KCNJ1: variants seen among roughly 807,000 people sequenced by gnomAD.
The protein encoded by KCNJ1 is ATP-sensitive inward rectifier potassium channel 1.
Under a neutral mutation model 21.9 loss-of-function variants are expected in KCNJ1, and 24 were observed. That is an observed-to-expected ratio of 1.10 (90% CI 0.79 to 1.54). The LOEUF (loss-of-function observed/expected upper bound fraction) is 1.54. KCNJ1 is among the 40% of genes most tolerant of loss of function. The pLI is 0.00. For missense variants in KCNJ1, 457 were observed against 455.4 expected (o/e 1.00, Z -0.03); for synonymous variants, 152 against 160.9 (o/e 0.94, Z 0.42).
intron 1 of KCNJ1, among the ~76,000 whole-genome samples, chr11:128,864,986 A>ACATACTAGGTCCTTCATCGTGGCACC (rs1943791752): frequency 4.0e-5 from 6 of 151,852 alleles, no homozygotes; most frequent in Non-Finnish European, 8.8e-5. Context: ...CCTCAGCATC[A>ACATACTAGGTCCTTCATCGTGGCACC]CATACTAGGT....
chr11:128,852,604 C>G (rs1036236645), intron 1 of KCNJ1, among the ~76,000 whole-genome samples: 4 of 152,218 alleles, frequency 2.6e-5, no homozygotes, highest in Non-Finnish European at 4.4e-5. Flanking sequence ...CTTCGGTGAC[C>G]CTTTGTTCCA....
intron 1 of KCNJ1, among the ~76,000 whole-genome samples, chr11:128,865,316 C>T (rs941934169): frequency 5.3e-5 from 8 of 152,004 alleles, no homozygotes; most frequent in African/African-American, 1.7e-4. Flanking sequence ...CTCCCATTAG[C>T]GTGTGAGAGC....
chr11:128,845,023 C>T (rs1943354976), intron 2 of KCNJ1, among the ~76,000 whole-genome samples: 1 of 152,132 alleles, frequency 6.6e-6, no homozygotes, highest in African/African-American at 2.4e-5. Flanking sequence ...CCTTTCTAAC[C>T]GTGATGGAGA....
At chr11:128,841,308 T>C (rs528362808) in intron 2 of KCNJ1, among the ~76,000 whole-genome samples, 1 of 152,246 alleles carries the variant, frequency 6.6e-6, no homozygotes, top group Non-Finnish European at 1.5e-5. Flanking sequence ...GCTAGCACAG[T>C]TGATGAGTGC....
At chr11:128,849,269 G>A (rs1227928585) in intron 2 of KCNJ1, among the ~76,000 whole-genome samples, 1 of 152,242 alleles carries the variant, frequency 6.6e-6, no homozygotes, top group Non-Finnish European at 1.5e-5. Context: ...TTGCTTTTAA[G>A]CCCTAAAGCA....
At chr11:128,842,579 A>G (rs1460131636) in intron 2 of KCNJ1, 4 of 1,466,040 alleles carry the variant, frequency 2.7e-6, no homozygotes, top group Non-Finnish European at 3.6e-6. Context: ...TGTGATTTAA[A>G]CCAAGGCAAT....
chr11:128,850,403 T>C (rs182569360), intron 2 of KCNJ1, among the ~76,000 whole-genome samples: 1 of 152,226 alleles, frequency 6.6e-6, no homozygotes, highest in Admixed American at 6.5e-5. Context: ...TCCACTGCCA[T>C]GTCCCCAGTC....
At chr11:128,857,344 T>G (rs920760007) in intron 1 of KCNJ1, among the ~76,000 whole-genome samples, 1 of 152,212 alleles carries the variant, frequency 6.6e-6, no homozygotes, top group South Asian at 2.1e-4. Context: ...AGGTTGGTTG[T>G]TTATTTCCCT....
In KCNJ1 at chr11:128,849,616, C is replaced by T. The variant is rs535323572; in HGVS notation, c.-22+1105G>A. Among the ~76,000 whole-genome samples the T allele has an allele frequency of 2.4e-4, 37 of 152,292 alleles. No individual in the cohort carries two copies. The South Asian group carries it at 6.8e-3, about 28-fold the overall frequency. Reference sequence around the variant, plus strand: ...CCCTGATGTCATGAGAGGGGCCTGGCAGAGCCAGGCAGAGTTTAGAAATGG... The same window carrying T: ...CCCTGATGTCATGAGAGGGGCCTGGTAGAGCCAGGCAGAGTTTAGAAATGG... On this transcript the variant is annotated intron_variant, in intron 2 of 2. Transcript: ENST00000392666.
intron 1 of KCNJ1, among the ~76,000 whole-genome samples, chr11:128,860,192 G>T (rs1943678029): frequency 6.6e-6 from 1 of 152,256 alleles, no homozygotes; most frequent in Admixed American, 6.5e-5. Flanking sequence ...CCATCGTTCA[G>T]ATTAAATGAT....
chr11:128,865,904 T>C (rs1175253697), intron 1 of KCNJ1, among the ~76,000 whole-genome samples: 2 of 152,138 alleles, frequency 1.3e-5, no homozygotes, highest in Non-Finnish European at 2.9e-5. Context: ...GCATTAAAGA[T>C]TAAGACCCAC....
chr11:128,861,376 C>T (rs1209477249), intron 1 of KCNJ1, among the ~76,000 whole-genome samples: 1 of 152,156 alleles, frequency 6.6e-6, no homozygotes, highest in Non-Finnish European at 1.5e-5. Flanking sequence ...GGGGCATGAG[C>T]TGGGACATTT....
intron 2 of KCNJ1, among the ~76,000 whole-genome samples, chr11:128,846,677 GAATTATCCTTGGC>G (rs1340271343): frequency 6.6e-6 from 1 of 152,168 alleles, no homozygotes; most frequent in East Asian, 1.9e-4. Flanking sequence ...TAGAGGGAGA[GAATTATCCTTGGC>G]AAGGCTGAAC....
chr11:128,856,796 C>A (rs993079815), intron 1 of KCNJ1, among the ~76,000 whole-genome samples: 1 of 152,102 alleles, frequency 6.6e-6, no homozygotes. Context: ...TAGTCAGGAC[C>A]TGTCTGTCCT....
Position 128,850,763 on chromosome 11 carries a change from G to A in KCNJ1, c.-64C>T, listed in dbSNP as rs867122334. The A allele has an allele frequency of 2.0e-6, 2 of 985,414 alleles. No homozygotes were observed. Among genetic ancestry groups the A allele is most frequent in the Non-Finnish European group, 2.4e-6 (2 of 829,906 alleles). 61.0% of individuals were successfully genotyped at this position (985,414 alleles called of 1,614,324 possible). Reference sequence around the variant, plus strand: ...CAGGAGATGATTTTCAAAACTTCATGTATAAGTAGATCTTGGGGTGACCAG... The same window carrying A: ...CAGGAGATGATTTTCAAAACTTCATATATAAGTAGATCTTGGGGTGACCAG... On this transcript the variant is annotated 5_prime_UTR_variant, in exon 2 of 3. Coordinates refer to ENST00000392666, the MANE Select transcript of KCNJ1 (RefSeq NM_153766.3).
intron 1 of KCNJ1, among the ~76,000 whole-genome samples, chr11:128,866,906 T>A (rs1309979330): frequency 1.3e-5 from 2 of 151,836 alleles, no homozygotes; most frequent in East Asian, 3.9e-4. Flanking sequence ...GAATCAGGCA[T>A]GATGCAACCA....
In KCNJ1 at chr11:128,842,367, C is replaced by T. The variant is rs761880405; in HGVS notation, c.-21-2103G>A. 2 of 1,613,684 alleles carry T rather than the reference C, an allele frequency of 1.2e-6. No homozygotes were observed. The highest frequency in any genetic ancestry group is 1.7e-6 in the Non-Finnish European group (2 of 1,179,680). ...CTGGCTTTCCAGAGAGGTGATTTCC[C>T]CAGCCTCCACTTACCAACGTGTCAA... is the stretch of plus-strand genomic sequence containing the variant. On this transcript the variant is annotated intron_variant, in intron 2 of 2. Coordinates refer to ENST00000392666, the MANE Select transcript of KCNJ1 (RefSeq NM_153766.3).
At position 128,843,519 on chromosome 11, in the gene KCNJ1, C is replaced by T. The variant is rs114684167; in HGVS notation, c.-21-3255G>A. Among the ~76,000 whole-genome samples, 229 of 152,292 alleles carry T rather than the reference C, an allele frequency of 1.5e-3. 1 individual carries two copies. The highest frequency in any genetic ancestry group is 5.1e-3 in the African/African-American group (211 of 41,558). Reference sequence around the variant, plus strand: ...ATTCTCAGAAAATAGACATTTTGTGCACTTCCCAAACACTGATTGTATGCT... The same window carrying T: ...ATTCTCAGAAAATAGACATTTTGTGTACTTCCCAAACACTGATTGTATGCT... On this transcript the variant is annotated intron_variant, in intron 2 of 2. Coordinates refer to ENST00000392666, the MANE Select transcript of KCNJ1 (RefSeq NM_153766.3).
At position 128,839,217 on chromosome 11, in the gene KCNJ1, C is replaced by T. The variant is rs387907436; in HGVS notation, c.1027G>A (p.Glu343Lys). 1.2e-6 allele frequency: 2 copies of T among 1,614,148 alleles called. No individual in the cohort carries two copies. Among genetic ancestry groups the T allele is most frequent in the South Asian group, 2.2e-5 (2 of 91,076 alleles). ...TTCATCCTGGCTCTAACATCTTTCT[C>T]ATTATAAAGGCACATGGCACAGTGA... ...TPHCAMCLYN[E>K]KDVRARMKRG... is the part of the protein sequence containing the mutation. Residue 343 changes from glutamate (E) to lysine (K), a missense_variant, in exon 3 of 3, where the codon GAG becomes AAG. Glu to Lys is a moderately conservative substitution (Grantham distance 56). Coordinates refer to ENST00000392666, the MANE Select transcript of KCNJ1 (RefSeq NM_153766.3).
Sources: gnomAD v4.1 joint callset for allele counts (sites outside exome capture counted in the v4.1 genomes callset) on GRCh38, gnomAD v4.1.1 for gene constraint, MANE v1.5 for transcripts, NCBI Gene and HGNC (gene_info 2026-07-23, HGNC 2026-07-21) for gene names.